PLEKHH2: variants seen among roughly 807,000 people sequenced by gnomAD.
PLEKHH2 encodes pleckstrin homology, MyTH4 and FERM domain containing H2.
PLEKHH2 carries 129 observed loss-of-function variants against 187.9 expected under a neutral mutation model. The ratio of observed to expected loss-of-function variants is 0.69; its 90% CI spans 0.59 to 0.79. The LOEUF (loss-of-function observed/expected upper bound fraction) is 0.79, where lower values mean the gene tolerates loss of function less well. Ranked by LOEUF, PLEKHH2 falls within the 30% of genes least tolerant of loss-of-function variation. The probability of loss-of-function intolerance (pLI) is 0.00; values close to 1 mark genes in which losing one functional copy is unlikely to be tolerated. For missense variants in PLEKHH2, 2,076 were observed against 1,751.2 expected (o/e 1.19, Z -3.31); for synonymous variants, 686 against 605.6 (o/e 1.13, Z -1.95).
intron 9 of PLEKHH2, among the ~76,000 whole-genome samples, chr2:43,704,662 T>TAAAAAAAA (rs70965318): frequency 3.1e-4 from 26 of 84,284 alleles, no homozygotes; most frequent in Admixed American, 4.4e-4. Context: ...GATTCTGTCT[T>TAAAAAAAA]AAAAAAAAAA....
intron 11 of PLEKHH2, among the ~76,000 whole-genome samples, chr2:43,707,970 T>A (rs950982382): frequency 6.6e-6 from 1 of 152,236 alleles, no homozygotes; most frequent in Non-Finnish European, 1.5e-5. Context: ...ATGTCTATGA[T>A]TTTTAGTGGA....
chr2:43,638,248 AACACACAC>A (rs70965309), intron 1 of PLEKHH2, among the ~76,000 whole-genome samples: 7,955 of 148,810 alleles, frequency 0.053, 447 homozygotes, highest in African/African-American at 0.14. Context: ...AAGATCTTTT[AACACACAC>A]ACACACACAC....
At chr2:43,733,867 G>A (rs1226577224) in intron 19 of PLEKHH2, among the ~76,000 whole-genome samples, 4 of 152,062 alleles carry the variant, frequency 2.6e-5, no homozygotes, top group Non-Finnish European at 5.9e-5. Context: ...CCCACCTGTA[G>A]AGTACACCAA....
Position 43,681,432 on chromosome 2 carries a change from TC to T in PLEKHH2, c.186+2509del, listed in dbSNP as rs1179877133. The T allele has an allele frequency of 2.6e-6, 4 of 1,547,858 alleles. No homozygotes were observed. The African/African-American group carries it at 5.5e-5, about 21-fold the overall frequency. On this transcript the variant is annotated intron_variant, in intron 3 of 29. Coordinates refer to ENST00000282406, the MANE Select transcript of PLEKHH2 (RefSeq NM_172069.4). ...CCTTTGTTTTATTAATTGAATGAGT[TC>T]CTTGTCAAAATAATCTTCTTCCTCT... is the stretch of plus-strand genomic sequence containing the variant.
chr2:43,746,330 C>T (rs1417296736), intron 24 of PLEKHH2, among the ~76,000 whole-genome samples: 1 of 152,068 alleles, frequency 6.6e-6, no homozygotes, highest in Admixed American at 6.6e-5. Flanking sequence ...GCCAACATGG[C>T]AAAACCCCGC....
At chr2:43,680,990 C>T (rs1037207195) in intron 3 of PLEKHH2, 2 of 1,210,934 alleles carry the variant, frequency 1.7e-6, no homozygotes, top group Non-Finnish European at 2.3e-6. Context: ...TACTGTTGTT[C>T]ATATGCCAAC....
At chr2:43,652,484 C>T (rs1666525889) in intron 2 of PLEKHH2, among the ~76,000 whole-genome samples, 1 of 152,162 alleles carries the variant, frequency 6.6e-6, no homozygotes, top group Admixed American at 6.5e-5. Flanking sequence ...CCCTTCACCC[C>T]CAACCTCCTT....
intron 2 of PLEKHH2, among the ~76,000 whole-genome samples, chr2:43,646,493 T>C (rs1666191548): frequency 6.6e-6 from 1 of 152,216 alleles, no homozygotes; most frequent in South Asian, 2.1e-4. Flanking sequence ...ACTTCTGTAC[T>C]CGTTTGGCTT....
intron 3 of PLEKHH2, chr2:43,681,620 A>G (rs1300443894): frequency 5.7e-6 from 4 of 700,958 alleles, no homozygotes; most frequent in Non-Finnish European, 7.5e-6. Context: ...ACGATATGAC[A>G]CAATATGCAT....
At chr2:43,720,026 A>G (rs1670407256) in intron 15 of PLEKHH2, among the ~76,000 whole-genome samples, 1 of 152,226 alleles carries the variant, frequency 6.6e-6, no homozygotes, top group South Asian at 2.1e-4. Context: ...TTCATGGGGT[A>G]CAAGTGGAAT....
At chr2:43,656,705 C>A (rs867245711) in intron 2 of PLEKHH2, among the ~76,000 whole-genome samples, 2 of 152,188 alleles carry the variant, frequency 1.3e-5, no homozygotes, top group African/African-American at 4.8e-5. Flanking sequence ...CAAATATATA[C>A]AATTTTTGTC....
chr2:43,698,501 G>A (rs1311905307), intron 7 of PLEKHH2, among the ~76,000 whole-genome samples: 35 of 152,100 alleles, frequency 2.3e-4, no homozygotes, highest in Non-Finnish European at 5.1e-4. Context: ...GCCAGCCTTG[G>A]CCTCCCAAAA....
chr2:43,738,414 C>T lies in PLEKHH2; in HGVS notation c.3017C>T (p.Ala1006Val), dbSNP rs757122268. The change falls in exon 20 of 30, where the codon GCT becomes GTT. Residue 1006 changes from alanine to valine, a missense_variant. Physicochemically the swap from Ala to Val is moderately conservative, Grantham distance 64. Coordinates refer to ENST00000282406, the MANE Select transcript of PLEKHH2 (RefSeq NM_172069.4). ...IDYHISLAQS[A>V]LQICLTHPEL... is the part of the protein sequence containing the mutation. ...TACCACATATCTTTAGCCCAGAGTG[C>T]TTTGCAAATCTGCCTGACACATCCT... 11 of 1,613,924 alleles carry T rather than the reference C, an allele frequency of 6.8e-6. No individual in the cohort carries two copies. The Admixed American group carries it at 1.3e-4, about 20-fold the overall frequency.
intron 2 of PLEKHH2, chr2:43,675,558 T>C: frequency 1.2e-6 from 2 of 1,613,932 alleles, no homozygotes; most frequent in Non-Finnish European, 1.7e-6. Context: ...TATTAGACAA[T>C]GCCTCTTCAA....
chr2:43,710,476 C>A lies in PLEKHH2; in HGVS notation c.2215-13C>A, dbSNP rs776316557. ...AGTTAATCACTTTCCATTTGTTTTT[C>A]TGTTTCATACAGAGTGATGTAATTA... On this transcript the variant is annotated splice_polypyrimidine_tract_variant and intron_variant, in intron 13 of 29. Coordinates refer to ENST00000282406, the MANE Select transcript of PLEKHH2 (RefSeq NM_172069.4). The A allele has an allele frequency of 1.9e-6, 3 of 1,590,598 alleles. No individual in the cohort carries two copies. The African/African-American group carries it at 4.1e-5, about 22-fold the overall frequency.
chr2:43,731,932 C>G (rs1671059573), intron 19 of PLEKHH2, among the ~76,000 whole-genome samples: 1 of 152,196 alleles, frequency 6.6e-6, no homozygotes, highest in Non-Finnish European at 1.5e-5. Flanking sequence ...TCAGCACTCT[C>G]TCTCCTCTCT....
At chr2:43,747,114 C>CTCTCTCTCTCTCTCTCCCTCTT in intron 24 of PLEKHH2, among the ~76,000 whole-genome samples, 1 of 144,396 alleles carries the variant, frequency 6.9e-6, no homozygotes, top group Non-Finnish European at 1.5e-5. Flanking sequence ...CTCTCCCTCT[C>CTCTCTCTCTCTCTCTCCCTCTT]TCTCTCTCTC....
chr2:43,699,207 G>GT (rs35567627), intron 7 of PLEKHH2, among the ~76,000 whole-genome samples: 8 of 150,312 alleles, frequency 5.3e-5, no homozygotes, highest in African/African-American at 9.8e-5. Flanking sequence ...TAGACTCTCA[G>GT]TTTTTTTTTT....
intron 23 of PLEKHH2, among the ~76,000 whole-genome samples, chr2:43,745,226 G>A (rs1340378101): frequency 6.6e-6 from 1 of 152,180 alleles, no homozygotes; most frequent in African/African-American, 2.4e-5. Context: ...TGAGGCAGGA[G>A]AATCACTTGA....
Sources: gnomAD v4.1 joint callset for allele counts (sites outside exome capture counted in the v4.1 genomes callset) on GRCh38, gnomAD v4.1.1 for gene constraint, MANE v1.5 for transcripts, NCBI Gene and HGNC (gene_info 2026-07-23, HGNC 2026-07-21) for gene names.